SMLR1: variants seen among roughly 807,000 people sequenced by gnomAD.
SMLR1 encodes small leucine-rich protein 1.
Under a neutral mutation model 6.1 loss-of-function variants are expected in SMLR1, and 3 were observed. The observed-to-expected ratio is 0.49, with a 90% CI of 0.22 to 1.28. SMLR1 has a LOEUF of 1.28. SMLR1 is among the 50% of genes most tolerant of loss of function. The pLI, the probability that SMLR1 is intolerant of heterozygous loss-of-function variation, is 0.19. For missense variants in SMLR1, 126 were observed against 124.8 expected (o/e 1.01, Z -0.05); for synonymous variants, 55 against 53.6 (o/e 1.03, Z -0.11).
rs1774597453 is a variant in SMLR1, at chr6:130,834,846, A to G, written c.239-24A>G. 3 of 1,528,380 alleles carry G rather than the reference A, an allele frequency of 2.0e-6. No homozygotes were observed. The African/African-American group carries it at 4.1e-5, about 21-fold the overall frequency. The allele number at this position is 1,528,380 out of a possible 1,614,324, so 94.7% of individuals were successfully genotyped here. On this transcript the variant is annotated intron_variant, in intron 1 of 1. Coordinates refer to ENST00000541421, the MANE Select transcript of SMLR1 (RefSeq NM_001195597.2). ...AATGGCACTCAGATGTCTCCAAATTATTAACTAATATTTTTCCTTTCAGTT... is the reference window on the plus strand; with the variant it reads ...AATGGCACTCAGATGTCTCCAAATTGTTAACTAATATTTTTCCTTTCAGTT...
Position 130,835,015 on chromosome 6 carries a change from C to A in SMLR1, c.*60C>A. ...GTTTCTACTGGTCAGCAAGCAATGG[C>A]CAACAGTTCAGCTAATAAAGTAGGT... is the stretch of plus-strand genomic sequence containing the variant. On this transcript the variant is annotated 3_prime_UTR_variant, in exon 2 of 2. Transcript: ENST00000541421. The A allele has an allele frequency of 7.7e-7, 1 of 1,290,470 alleles. No individual in the cohort carries two copies. 79.9% of individuals were successfully genotyped at this position (1,290,470 alleles called of 1,614,324 possible).
intron 1 of SMLR1, among the ~76,000 whole-genome samples, chr6:130,830,890 G>A (rs79583705): frequency 2.0e-5 from 3 of 152,016 alleles, no homozygotes; most frequent in Non-Finnish European, 2.9e-5. Context: ...ATAAATAACC[G>A]CCCCCCCGCG....
At chr6:130,828,394 G>T (rs1774342729) in intron 1 of SMLR1, among the ~76,000 whole-genome samples, 1 of 151,992 alleles carries the variant, frequency 6.6e-6, no homozygotes, top group African/African-American at 2.4e-5. Flanking sequence ...TATCATCAAG[G>T]TTAATAACTA....
rs1315715497 is a variant in SMLR1 at position 130,834,881 on chromosome 6, C to A, written c.250C>A (p.Leu84Met). 1 of 1,535,118 alleles carries A rather than the reference C, an allele frequency of 6.5e-7. No individual in the cohort carries two copies. The change falls in exon 2 of 2, where the codon CTG (leucine) becomes ATG (methionine). Residue 84 changes from leucine to methionine, a missense_variant. Physicochemically the swap from Leu to Met is conservative, Grantham distance 15 (BLOSUM62 2). Transcript: ENST00000541421. ...RIKLIEVNEE[L>M]SQNCDRQHNP... is the part of the protein sequence containing the mutation. ...ATTTTTCCTTTCAGTTAATGAAGAA[C>A]TGTCCCAGAACTGTGATCGCCAACA... is the stretch of plus-strand genomic sequence containing the variant.
intron 1 of SMLR1, among the ~76,000 whole-genome samples, chr6:130,834,210 G>A (rs780398322): frequency 1.3e-5 from 2 of 152,114 alleles, no homozygotes; most frequent in Non-Finnish European, 2.9e-5. Context: ...AAGCTAAGGA[G>A]CAGATAAAAG....
At chr6:130,832,785 C>A (rs1055999311) in intron 1 of SMLR1, among the ~76,000 whole-genome samples, 1 of 152,174 alleles carries the variant, frequency 6.6e-6, no homozygotes, top group Non-Finnish European at 1.5e-5. Flanking sequence ...GACGCACCAC[C>A]TCTGGAGTAT....
At chr6:130,834,628 A>T (rs1774586186) in intron 1 of SMLR1, among the ~76,000 whole-genome samples, 1 of 152,192 alleles carries the variant, frequency 6.6e-6, no homozygotes, top group Non-Finnish European at 1.5e-5. Context: ...AATTCTCATT[A>T]CAGTGGTAGT....
At chr6:130,831,544 A>G (rs1774447520) in intron 1 of SMLR1, among the ~76,000 whole-genome samples, 1 of 152,172 alleles carries the variant, frequency 6.6e-6, no homozygotes, top group South Asian at 2.1e-4. Flanking sequence ...GGTAAGTAGT[A>G]CTGTCTTCTC....
rs576440061 is a variant in SMLR1, at chr6:130,835,242, C to A, written c.*287C>A. 1.1e-4 allele frequency: 31 copies of A among 287,002 alleles called. No homozygotes were observed. Among genetic ancestry groups the A allele is most frequent in the Non-Finnish European group, 1.7e-4 (25 of 150,586 alleles). 17.8% of individuals were successfully genotyped at this position (287,002 alleles called of 1,614,324 possible). A position where few individuals can be genotyped will look rare whatever the true frequency, so the allele number is the denominator to read the frequency against. On this transcript the variant is annotated 3_prime_UTR_variant, in exon 2 of 2. Transcript: ENST00000541421. Reference sequence around the variant, plus strand: ...TTAACTTTTATTGTGACTGTGTCTGCTCTAAACGGCATATTTAAAAAATAA... The same window carrying A: ...TTAACTTTTATTGTGACTGTGTCTGATCTAAACGGCATATTTAAAAAATAA...
At position 130,836,164 on chromosome 6, in the gene SMLR1, T is replaced by C. The variant is rs1774652456; in HGVS notation, c.*1209T>C. The C allele has an allele frequency of 6.6e-6, 1 of 152,228 alleles. No homozygotes were observed. Among genetic ancestry groups the C allele is most frequent in the Non-Finnish European group, 1.5e-5 (1 of 68,020 alleles). 9.4% of individuals were successfully genotyped at this position (152,228 alleles called of 1,614,324 possible). ...GTTTCCATTTGCACTTCTTGCATAA[T>C]ATAAAACTTATTGCTAGAATAAAGA... On this transcript the variant is annotated 3_prime_UTR_variant, in exon 2 of 2. Coordinates refer to ENST00000541421, the MANE Select transcript of SMLR1 (RefSeq NM_001195597.2).
At chr6:130,833,510 G>A (rs772738342) in intron 1 of SMLR1, among the ~76,000 whole-genome samples, 3 of 152,122 alleles carry the variant, frequency 2.0e-5, no homozygotes, top group South Asian at 2.1e-4. Flanking sequence ...GATAATCTAC[G>A]GAAAGTCAGT....
chr6:130,830,029 A>G (rs1418946181), intron 1 of SMLR1, among the ~76,000 whole-genome samples: 1 of 152,166 alleles, frequency 6.6e-6, no homozygotes, highest in African/African-American at 2.4e-5. Flanking sequence ...TGTCCCAGAT[A>G]CTGGGACAGA....
chr6:130,834,255 G>T (rs915006311), intron 1 of SMLR1, among the ~76,000 whole-genome samples: 8 of 152,156 alleles, frequency 5.3e-5, no homozygotes, highest in Non-Finnish European at 5.9e-5. Flanking sequence ...CCAAAGGGAG[G>T]AGAATGGTGG....
intron 1 of SMLR1, 81 bp downstream of exon 1, chr6:130,827,732 G>C: frequency 9.9e-7 from 1 of 1,012,154 alleles, no homozygotes; most frequent in Non-Finnish European, 1.5e-6. Context: ...CACTGTCAGT[G>C]TTTTCTGGCC....
chr6:130,830,900 G>T (rs879703784), intron 1 of SMLR1, among the ~76,000 whole-genome samples: 2 of 151,856 alleles, frequency 1.3e-5, no homozygotes, highest in African/African-American at 4.9e-5. Context: ...GCCCCCCCGC[G>T]TTTAGCATAT....
chr6:130,831,969 G>C (rs369645512), intron 1 of SMLR1, among the ~76,000 whole-genome samples: 2 of 152,112 alleles, frequency 1.3e-5, no homozygotes, highest in East Asian at 3.9e-4. Flanking sequence ...CAATTTTCTC[G>C]CAAAGGAAGA....
rs1236839293 is a variant in SMLR1, at chr6:130,827,555, G to A, written c.142G>A (p.Glu48Lys). 3 of 1,535,834 alleles carry A rather than the reference G, an allele frequency of 2.0e-6. No homozygotes were observed. The highest frequency in any genetic ancestry group is 2.4e-5 in the East Asian group (1 of 40,920). Residue 48 changes from glutamate to lysine, a missense_variant, in exon 1 of 2, where the codon GAG (glutamate) becomes AAG (lysine). Glu to Lys is a moderately conservative substitution (Grantham distance 56, BLOSUM62 1). Transcript: ENST00000541421. ...MSSVLSAFMR[E>K]LPGWFLFFGV... ...CTCTGTGCTGTCAGCTTTCATGAGG[G>A]AGCTCCCTGGCTGGTTCCTGTTCTT...
intron 1 of SMLR1, among the ~76,000 whole-genome samples, chr6:130,832,936 G>A (rs1774510616): frequency 6.6e-6 from 1 of 152,038 alleles, no homozygotes; most frequent in South Asian, 2.1e-4. Context: ...AATATAACGG[G>A]GGTCATAATA....
Position 130,827,624 on chromosome 6 carries a change from G to A in SMLR1, c.211G>A (p.Ala71Thr), listed in dbSNP as rs761304440. 25 of 1,535,760 alleles carry A rather than the reference G, an allele frequency of 1.6e-5. No individual in the cohort carries two copies. Among genetic ancestry groups the A allele is most frequent in the Middle Eastern group, 3.3e-4 (2 of 6,010 alleles). ...GACTTTGCTGCTGCTCCTCCTCATCGCCTACTTCAGGATCAAACTGATTGA... is the reference window on the plus strand; with the variant it reads ...GACTTTGCTGCTGCTCCTCCTCATCACCTACTTCAGGATCAAACTGATTGA... ...PVTLLLLLLI[A>T]YFRIKLIEVN... The change falls in exon 1 of 2, where the codon GCC becomes ACC. Residue 71 changes from alanine to threonine, a missense_variant. Physicochemically the swap from Ala to Thr is moderately conservative, Grantham distance 58. Coordinates refer to ENST00000541421, the MANE Select transcript of SMLR1 (RefSeq NM_001195597.2).
Sources: allele counts gnomAD v4.1 joint callset (sites outside exome capture counted in the v4.1 genomes callset), GRCh38; gene constraint gnomAD v4.1.1; transcripts MANE v1.5; gene names NCBI Gene and HGNC (gene_info 2026-07-23, HGNC 2026-07-21).